LINGO2: variants seen among roughly 807,000 people sequenced by gnomAD.
The protein encoded by LINGO2 is leucine rich repeat and Ig domain containing 2.
A neutral mutation model predicts 30.6 loss-of-function variants in LINGO2; 14 were observed. That is an observed-to-expected ratio of 0.46 (90% CI 0.30 to 0.72). LINGO2 has a LOEUF of 0.72. Ranked by LOEUF, LINGO2 falls within the 30% of genes least tolerant of loss-of-function variation. The probability of loss-of-function intolerance (pLI) is 0.07; values close to 1 mark genes in which losing one functional copy is unlikely to be tolerated. For missense variants in LINGO2, 729 were observed against 751.7 expected (o/e 0.97, Z 0.35); for synonymous variants, 317 against 288.5 (o/e 1.10, Z -1.00).
At chr9:28,106,183 A>C (rs1420448359) in intron 4 of LINGO2, among the ~76,000 whole-genome samples, 3 of 152,080 alleles carry the variant, frequency 2.0e-5, no homozygotes, top group Non-Finnish European at 4.4e-5. Flanking sequence ...TCCGTGGAAA[A>C]ACTGTTTTCC....
the LINGO2 span, among the ~76,000 whole-genome samples, chr9:28,973,626 C>T: frequency 1.3e-5 from 2 of 152,144 alleles, no homozygotes; most frequent in Non-Finnish European, 2.9e-5. Context: ...GATTGTGAGG[C>T]CTCCCCAGCC....
chr9:28,356,145 C>G (rs987362755), intron 3 of LINGO2, among the ~76,000 whole-genome samples: 3 of 152,116 alleles, frequency 2.0e-5, no homozygotes, highest in Non-Finnish European at 4.4e-5. Context: ...AATTGTCATA[C>G]AACTGCCACA....
chr9:28,655,581 A>C (rs1181100264), intron 1 of LINGO2, among the ~76,000 whole-genome samples: 1 of 152,060 alleles, frequency 6.6e-6, no homozygotes, highest in Non-Finnish European at 1.5e-5. Flanking sequence ...CCCAAATCTC[A>C]TCTTGAATTG....
At chr9:29,031,954 G>C in the LINGO2 span, among the ~76,000 whole-genome samples, 2 of 152,084 alleles carry the variant, frequency 1.3e-5, no homozygotes, top group East Asian at 1.9e-4. Context: ...AATCTCATTT[G>C]TCAAAAATTT....
chr9:28,873,153 G>A, the LINGO2 span, among the ~76,000 whole-genome samples: 1 of 151,902 alleles, frequency 6.6e-6, no homozygotes, highest in Non-Finnish European at 1.5e-5. Flanking sequence ...CGGATCACTT[G>A]AGGTCAGGAG....
the LINGO2 span, among the ~76,000 whole-genome samples, chr9:29,130,379 G>C: frequency 6.6e-6 from 1 of 152,122 alleles, no homozygotes; most frequent in African/African-American, 2.4e-5. Flanking sequence ...TCAAGGGGTT[G>C]CTGAGGTTCT....
At chr9:27,944,638 G>C (rs1392681058), downstream of LINGO2, 2 of 152,134 alleles carry the variant, frequency 1.3e-5, no homozygotes, top group Non-Finnish European at 2.9e-5. Context: ...GGAATTAAAA[G>C]GTGCTCCCAA....
chr9:28,863,473 T>C, the LINGO2 span, among the ~76,000 whole-genome samples: 1 of 152,136 alleles, frequency 6.6e-6, no homozygotes, highest in Non-Finnish European at 1.5e-5. Flanking sequence ...GTTTGATCAC[T>C]GTTAACACTA....
intron 3 of LINGO2, among the ~76,000 whole-genome samples, chr9:28,324,720 C>T (rs1825163705): frequency 6.6e-6 from 1 of 152,116 alleles, no homozygotes; most frequent in South Asian, 2.1e-4. Flanking sequence ...GAGGAACCCT[C>T]AGGTCCAGGA....
chr9:29,177,266 C>T, the LINGO2 span, among the ~76,000 whole-genome samples: 2 of 152,052 alleles, frequency 1.3e-5, no homozygotes, highest in East Asian at 3.9e-4. Flanking sequence ...AAATTTTTCC[C>T]AATAGAATAT....
At chr9:28,458,089 C>A (rs1378235233) in intron 2 of LINGO2, among the ~76,000 whole-genome samples, 2 of 152,114 alleles carry the variant, frequency 1.3e-5, no homozygotes, top group East Asian at 3.9e-4. Context: ...TGACTTGATG[C>A]AGATTTAGGA....
chr9:28,436,070 T>C (rs999717788), intron 2 of LINGO2, among the ~76,000 whole-genome samples: 1 of 152,202 alleles, frequency 6.6e-6, no homozygotes, highest in Non-Finnish European at 1.5e-5. Context: ...TAGTCTTTCT[T>C]TCTGTTCTTA....
intron 4 of LINGO2, among the ~76,000 whole-genome samples, chr9:28,098,040 C>T (rs1449796085): frequency 2.0e-5 from 3 of 152,152 alleles, no homozygotes; most frequent in Admixed American, 1.3e-4. Context: ...TGCAGTGGCT[C>T]ATGCCTGTAA....
chr9:28,585,743 T>A (rs1462412260), intron 1 of LINGO2, among the ~76,000 whole-genome samples: 1 of 152,078 alleles, frequency 6.6e-6, no homozygotes, highest in Admixed American at 6.6e-5. Flanking sequence ...GAAGCATTGA[T>A]ATTAAGAATA....
chr9:28,520,927 G>A (rs1820804901), intron 1 of LINGO2, among the ~76,000 whole-genome samples: 2 of 152,232 alleles, frequency 1.3e-5, no homozygotes, highest in South Asian at 4.1e-4. Flanking sequence ...AATAGTACCT[G>A]CATCACTCTT....
At chr9:28,453,220 G>A (rs536956447) in intron 2 of LINGO2, among the ~76,000 whole-genome samples, 14 of 151,996 alleles carry the variant, frequency 9.2e-5, no homozygotes, top group African/African-American at 3.1e-4. Context: ...ATAAAAAAGA[G>A]TCCCTACTCT....
chr9:28,042,775 C>CAT (rs745510855), intron 4 of LINGO2, among the ~76,000 whole-genome samples: 8 of 152,138 alleles, frequency 5.3e-5, no homozygotes, highest in East Asian at 1.9e-4. Context: ...CCCTCTCCCC[C>CAT]ATATATGTTA....
intron 1 of LINGO2, among the ~76,000 whole-genome samples, chr9:28,562,524 GTA>G (rs935201188): frequency 3.4e-5 from 5 of 146,252 alleles, no homozygotes; most frequent in Non-Finnish European, 7.5e-5. Context: ...CACCAGGAAA[GTA>G]TATGTTTCCT....
upstream of LINGO2, among the ~76,000 whole-genome samples, chr9:28,671,714 C>T (rs568682562): frequency 1.3e-5 from 2 of 151,940 alleles, no homozygotes; most frequent in African/African-American, 4.8e-5. Context: ...CGAAATAACC[C>T]GTACAAGAAG....
Sources: gnomAD v4.1 joint callset for allele counts (sites outside exome capture counted in the v4.1 genomes callset) on GRCh38, gnomAD v4.1.1 for gene constraint, MANE v1.5 for transcripts, NCBI Gene and HGNC (gene_info 2026-07-23, HGNC 2026-07-21) for gene names.